Variants in AFP observed in about 807,000 individuals in gnomAD.
AFP encodes the protein alpha fetoprotein.
In AFP, 64 loss-of-function variants were observed where a neutral mutation model predicts 78.9. The ratio of observed to expected loss-of-function variants is 0.81; its 90% confidence interval spans 0.66 to 1.00. The LOEUF (loss-of-function observed/expected upper bound fraction) is 1.00. Ranked by LOEUF, AFP falls within the 50% of genes least tolerant of loss-of-function variation. The pLI is 0.00. For missense variants in AFP, 689 were observed against 703.8 expected (o/e 0.98, Z 0.24); for synonymous variants, 254 against 243.8 (o/e 1.04, Z -0.39).
chr4:73,449,246 C>T (rs936277322), intron 8 of AFP, 89 bp from the exon 9 acceptor site: 2 of 1,176,364 alleles, frequency 1.7e-6, no homozygotes, highest in Admixed American at 4.4e-5. Flanking sequence ...CTTCCACATG[C>T]CATATTATAT....
intron 5 of AFP, 31 bp from the exon 6 acceptor site, chr4:73,443,316 T>C (rs1333204238): frequency 5.3e-6 from 8 of 1,519,414 alleles, no homozygotes; most frequent in Non-Finnish European, 6.4e-6. Context: ...TAGTATATGC[T>C]TTCATGACAT....
intron 5 of AFP, 36 bp from the exon 6 acceptor site, chr4:73,443,311 T>C: frequency 6.8e-7 from 1 of 1,471,630 alleles, no homozygotes; most frequent in Non-Finnish European, 9.5e-7. Flanking sequence ...AATGTTAGTA[T>C]ATGCTTTCAT....
chr4:73,452,282 T>A, intron 11 of AFP, 119 bp from the exon 12 acceptor site: 1 of 808,654 alleles, frequency 1.2e-6, no homozygotes, highest in Non-Finnish European at 2.1e-6. Context: ...AATTTTCCTG[T>A]AATATTAATT....
chr4:73,444,181 G>C (rs972232234), intron 6 of AFP, among the ~76,000 whole-genome samples: 19 of 152,000 alleles, frequency 1.3e-4, no homozygotes, highest in Non-Finnish European at 2.4e-4. Flanking sequence ...ATTTCTTCTT[G>C]TAAGAAGTCA....
At chr4:73,454,589 A>G (rs575823187) in intron 13 of AFP, among the ~76,000 whole-genome samples, 3 of 152,282 alleles carry the variant, frequency 2.0e-5, no homozygotes, top group East Asian at 3.9e-4. Context: ...GTATTGCTAC[A>G]TATATTTGAA....
chr4:73,445,021 A>G lies in AFP; in HGVS notation c.742A>G (p.Thr248Ala), dbSNP rs2149334571. The G allele has an allele frequency of 6.2e-7, 1 of 1,613,204 alleles. No individual in the cohort carries two copies. Among genetic ancestry groups the G allele is most frequent in the East Asian group, 2.2e-5 (1 of 44,848 alleles). ...TGTTACTAAACTGAGTCAGAAGTTTACCAAAGTTAATTTTACTGAAATCCA... is the reference window on the plus strand; with the variant it reads ...TGTTACTAAACTGAGTCAGAAGTTTGCCAAAGTTAATTTTACTGAAATCCA... Reference protein sequence around the residue: ...ITVTKLSQKFTKVNFTEIQKL... With the variant: ...ITVTKLSQKFAKVNFTEIQKL... The change falls in exon 7 of 15, where the codon ACC becomes GCC. Residue 248 changes from threonine (T) to alanine (A), a missense_variant. Transcript: ENST00000395792.
intron 3 of AFP, among the ~76,000 whole-genome samples, 181 bp downstream of exon 3, chr4:73,438,487 A>G (rs1719575592): frequency 6.6e-6 from 1 of 152,150 alleles, no homozygotes; most frequent in South Asian, 2.1e-4. Flanking sequence ...GGTAGTTATT[A>G]TAAAGAGACC....
At position 73,452,518 on chromosome 4, in the gene AFP, G is replaced by C; in HGVS notation, c.1546G>C (p.Val516Leu). The change falls in exon 12 of 15, where the codon GTG becomes CTG. Residue 516 changes from valine to leucine, a missense_variant. Coordinates refer to ENST00000395792, the MANE Select transcript of AFP (RefSeq NM_001134.3). ...ANRRPCFSSL[V>L]VDETYVPPAF... is the part of the protein sequence containing the mutation. Reference sequence around the variant, plus strand: ...CAGGAGGCCATGCTTCAGCAGCTTGGTGGTGGATGAAACATATGTCCCTCC... The same window carrying C: ...CAGGAGGCCATGCTTCAGCAGCTTGCTGGTGGATGAAACATATGTCCCTCC... The C allele has an allele frequency of 2.5e-6, 4 of 1,614,104 alleles. No individual in the cohort carries two copies. Among genetic ancestry groups the C allele is most frequent in the Non-Finnish European group, 3.4e-6 (4 of 1,179,974 alleles).
rs1720118521 is a variant in AFP, at chr4:73,455,135, T to C, written c.1786-101T>C. 3 of 939,162 alleles carry C rather than the reference T, an allele frequency of 3.2e-6. No homozygotes were observed. In the Admixed American group the frequency reaches 5.5e-5, roughly 17 times the overall value. The allele number at this position is 939,162 out of a possible 1,614,324, so 58.2% of individuals were successfully genotyped here. ...GTTTCTTCATTTTTAACTTAGTTAA[T>C]CTACAAACCTATGAATTCACCCCGG... On this transcript the variant is annotated intron_variant, in intron 13 of 14. Coordinates refer to ENST00000395792, the MANE Select transcript of AFP (RefSeq NM_001134.3).
At position 73,440,776 on chromosome 4, in the gene AFP, G is replaced by T; in HGVS notation, c.445G>T (p.Glu149Ter). ...AGTTCCAGAACCTGTCACAAGCTGTGAAGCATATGAAGAAGACAGGGAGAC... is the reference window on the plus strand; with the variant it reads ...AGTTCCAGAACCTGTCACAAGCTGTTAAGCATATGAAGAAGACAGGGAGAC... ...FQVPEPVTSC[E>*]AYEEDRETFM... The change falls in exon 4 of 15, where the codon GAA (glutamate) becomes TAA (stop). Residue 149 changes from glutamate to a stop codon, truncating the protein, a stop_gained. Transcript: ENST00000395792. LOFTEE classifies it high-confidence loss of function. 1 of 1,614,126 alleles carries T rather than the reference G, an allele frequency of 6.2e-7. No homozygotes were observed. The highest frequency in any genetic ancestry group is 8.5e-7 in the Non-Finnish European group (1 of 1,180,006).
At chr4:73,448,130 C>T (rs1391133422) in intron 8 of AFP, among the ~76,000 whole-genome samples, 3 of 151,940 alleles carry the variant, frequency 2.0e-5, no homozygotes, top group Non-Finnish European at 2.9e-5. Flanking sequence ...GGTAGAAGAA[C>T]TTTTATAGGA....
intron 11 of AFP, 141 bp downstream of exon 11, chr4:73,450,894 G>A (rs1487236386): frequency 7.1e-7 from 1 of 1,399,354 alleles, no homozygotes; most frequent in Non-Finnish European, 1.0e-6. Context: ...CACGGTTGGA[G>A]GGGTGTGAGA....
At chr4:73,444,684 C>T (rs999049668) in intron 6 of AFP, among the ~76,000 whole-genome samples, 3 of 151,948 alleles carry the variant, frequency 2.0e-5, no homozygotes, top group African/African-American at 7.3e-5. Context: ...GTTTTATGTC[C>T]ACTCAATACA....
intron 5 of AFP, among the ~76,000 whole-genome samples, chr4:73,442,993 G>A (rs1274132406): frequency 1.3e-5 from 2 of 152,056 alleles, no homozygotes; most frequent in South Asian, 2.1e-4. Context: ...GTCAAGCCGT[G>A]ATACAATCGT....
chr4:73,450,842 A>C, intron 11 of AFP, 89 bp downstream of exon 11: 1 of 1,602,770 alleles, frequency 6.2e-7, no homozygotes, highest in South Asian at 1.1e-5. Flanking sequence ...AAGACGGTAA[A>C]AACCAATGTA....
At chr4:73,447,267 TTTC>T (rs1316546823) in intron 7 of AFP, among the ~76,000 whole-genome samples, 192 bp from the exon 8 acceptor site, 8 of 152,092 alleles carry the variant, frequency 5.3e-5, no homozygotes, top group Admixed American at 4.6e-4. Flanking sequence ...AATTATGTAA[TTTC>T]TTCTTCTTTC....
chr4:73,446,249 A>G (rs1719822467), intron 7 of AFP, among the ~76,000 whole-genome samples: 1 of 152,192 alleles, frequency 6.6e-6, no homozygotes, highest in Non-Finnish European at 1.5e-5. Flanking sequence ...AACCAACAAG[A>G]AGTATTTTGT....
chr4:73,453,671 G>T (rs1365651046), intron 12 of AFP, 94 bp from the exon 13 acceptor site: 2 of 1,456,384 alleles, frequency 1.4e-6, no homozygotes, highest in Non-Finnish European at 1.9e-6. Context: ...TGGAGTAAGG[G>T]TTTAGGCTCT....
chr4:73,436,378 C>A, intron 1 of AFP, 31 bp downstream of exon 1: 1 of 1,288,784 alleles, frequency 7.8e-7, no homozygotes, highest in South Asian at 1.4e-5. Flanking sequence ...CTTGTCTTTT[C>A]TCTATATCAA....
Sources: gnomAD v4.1 joint callset for allele counts (sites outside exome capture counted in the v4.1 genomes callset) on GRCh38, gnomAD v4.1.1 for gene constraint, MANE v1.5 for transcripts, NCBI Gene and HGNC (gene_info 2026-07-23, HGNC 2026-07-21) for gene names.